NTM: variants seen among roughly 807,000 people sequenced by gnomAD.
NTM encodes neurotrimin.
NTM carries 13 observed loss-of-function variants against 42.1 expected under a neutral mutation model. That is an observed-to-expected ratio of 0.31 (90% CI 0.20 to 0.49). The LOEUF (loss-of-function observed/expected upper bound fraction) is 0.49, where lower values mean the gene tolerates loss of function less well. Ranked by LOEUF, NTM falls within the 20% of genes least tolerant of loss-of-function variation. NTM has a pLI of 0.99. For synonymous variants in NTM, 187 were observed against 179.2 expected, an observed-to-expected ratio of 1.04 and a Z score of -0.35; for missense variants, 373 against 452.8, an observed-to-expected ratio of 0.82 and a Z score of 1.60.
intron 2 of NTM, among the ~76,000 whole-genome samples, chr11:131,953,925 G>A (rs1017145891): frequency 1.3e-5 from 2 of 152,202 alleles, no homozygotes; most frequent in Admixed American, 6.5e-5. Flanking sequence ...ACTCCGTGGA[G>A]ATGGAGAAAG....
chr11:131,495,093 T>C (rs1955194326), intron 1 of NTM, among the ~76,000 whole-genome samples: 1 of 152,202 alleles, frequency 6.6e-6, no homozygotes, highest in Non-Finnish European at 1.5e-5. Context: ...AAATTAGTAG[T>C]AGAAGAGACT....
At chr11:132,180,488 T>C (rs2077404932) in intron 3 of NTM, among the ~76,000 whole-genome samples, 1 of 152,216 alleles carries the variant, frequency 6.6e-6, no homozygotes, top group Admixed American at 6.5e-5. Context: ...TTTATACAAC[T>C]GAATGGCTTC....
chr11:131,766,762 T>C (rs1400603181), intron 1 of NTM, among the ~76,000 whole-genome samples: 2 of 152,194 alleles, frequency 1.3e-5, no homozygotes, highest in African/African-American at 4.8e-5. Flanking sequence ...AGGCGTTCTC[T>C]CTCCTTTCCA....
intron 4 of NTM, among the ~76,000 whole-genome samples, chr11:132,253,954 A>G (rs1233905112): frequency 6.6e-6 from 1 of 152,140 alleles, no homozygotes; most frequent in Admixed American, 6.5e-5. Flanking sequence ...CACTCTCCTG[A>G]GTTCTCCCTG....
intron 1 of NTM, among the ~76,000 whole-genome samples, chr11:131,726,897 G>A (rs704630): frequency 0.14 from 20,922 of 151,166 alleles, 1,885 homozygotes; most frequent in Middle Eastern, 0.22. Flanking sequence ...CCACAGAGAC[G>A]GGGCTGGTCG....
chr11:131,864,380 A>G lies in NTM; in HGVS notation c.83-47184A>G, dbSNP rs141485148. The stretch of plus-strand genomic sequence containing the variant: ...GCTGCTGGAGAGCCTAATAGGCAGG[A>G]TTGGTCCAGGAACTCCTCCCGCTGG... On this transcript the variant is annotated intron_variant, in intron 1 of 8. Coordinates refer to ENST00000683400, the MANE Select transcript of NTM (RefSeq NM_001352005.2). Among the ~76,000 whole-genome samples, 1,170 of 152,254 alleles carry G rather than the reference A, an allele frequency of 7.7e-3. 24 individuals are homozygous for G. The highest frequency in any genetic ancestry group is 6.3e-3 in the Non-Finnish European group (429 of 68,020).
At chr11:132,263,010 A>G (rs375865816) in intron 4 of NTM, among the ~76,000 whole-genome samples, 4 of 152,242 alleles carry the variant, frequency 2.6e-5, no homozygotes, top group African/African-American at 9.6e-5. Flanking sequence ...AAGAAGGGGC[A>G]ACGGTTCCCA....
chr11:132,123,281 G>A (rs1308534694), intron 2 of NTM, among the ~76,000 whole-genome samples: 2 of 152,186 alleles, frequency 1.3e-5, no homozygotes, highest in African/African-American at 4.8e-5. Flanking sequence ...AAAGGCACAG[G>A]GGGCAGTGTG....
intron 1 of NTM, among the ~76,000 whole-genome samples, chr11:131,825,718 A>G (rs1250781808): frequency 1.3e-5 from 2 of 152,180 alleles, no homozygotes; most frequent in African/African-American, 4.8e-5. Context: ...TTTAAAAGGC[A>G]AACAATTAAT....
chr11:131,895,075 G>T (rs1261117116), intron 1 of NTM, among the ~76,000 whole-genome samples: 1 of 152,198 alleles, frequency 6.6e-6, no homozygotes. Context: ...GGATTCTGCT[G>T]AGAACATATC....
intron 1 of NTM, among the ~76,000 whole-genome samples, chr11:131,744,058 C>T (rs914108005): frequency 4.6e-5 from 7 of 152,144 alleles, no homozygotes; most frequent in Non-Finnish European, 8.8e-5. Flanking sequence ...AGAAGCAGGT[C>T]CTATTTTGCT....
intron 1 of NTM, among the ~76,000 whole-genome samples, chr11:131,738,972 C>A (rs1477851635): frequency 1.3e-5 from 2 of 152,146 alleles, no homozygotes; most frequent in African/African-American, 4.8e-5. Flanking sequence ...AACTTGGGGC[C>A]AAGGGATGTG....
chr11:131,807,392 C>T (rs1289150387), intron 1 of NTM, among the ~76,000 whole-genome samples: 1 of 152,176 alleles, frequency 6.6e-6, no homozygotes, highest in Non-Finnish European at 1.5e-5. Context: ...ATCTAGAAAG[C>T]TTTCTCCAAA....
At chr11:131,802,871 G>A (rs1360559029) in intron 1 of NTM, among the ~76,000 whole-genome samples, 1 of 152,232 alleles carries the variant, frequency 6.6e-6, no homozygotes, top group Admixed American at 6.5e-5. Context: ...ATTATGCTGT[G>A]CAACAGCCTT....
chr11:132,184,230 G>A lies in NTM; in HGVS notation c.401-27792G>A, dbSNP rs186255584. Reference sequence around the variant, plus strand: ...CTGACACTTCTGCCTCCTCACCAAGGCAGAGAAAAGAGGTCCTCTCTTTGC... The same window carrying A: ...CTGACACTTCTGCCTCCTCACCAAGACAGAGAAAAGAGGTCCTCTCTTTGC... On this transcript the variant is annotated intron_variant, in intron 3 of 8. Transcript: ENST00000683400. Among the ~76,000 whole-genome samples, 12 of 152,254 alleles carry A rather than the reference G, an allele frequency of 7.9e-5. No individual in the cohort carries two copies. The East Asian group carries it at 2.3e-3, about 29-fold the overall frequency.
At chr11:131,773,188 G>A (rs1282459061) in intron 1 of NTM, among the ~76,000 whole-genome samples, 1 of 152,192 alleles carries the variant, frequency 6.6e-6, no homozygotes, top group Non-Finnish European at 1.5e-5. Context: ...CCAAGGTGGT[G>A]CCTTGTTGCT....
At chr11:131,573,620 A>G (rs768989625) in intron 1 of NTM, 1 of 152,080 alleles carries the variant, frequency 6.6e-6, no homozygotes, top group Non-Finnish European at 1.5e-5. Flanking sequence ...TCCCCCTCCT[A>G]TGATTGCCGG....
At chr11:131,799,679 C>A (rs960481865) in intron 1 of NTM, among the ~76,000 whole-genome samples, 2 of 152,096 alleles carry the variant, frequency 1.3e-5, no homozygotes, top group African/African-American at 4.8e-5. Context: ...ATAGCTGATC[C>A]AAGCAGTAAT....
chr11:132,253,726 C>T (rs144026607), intron 4 of NTM, among the ~76,000 whole-genome samples: 1,526 of 152,296 alleles, frequency 0.01, 14 homozygotes, highest in Non-Finnish European at 0.015. Flanking sequence ...TACTTATACC[C>T]ATAGTGACTT....
Sources: gnomAD v4.1 joint callset for allele counts (sites outside exome capture counted in the v4.1 genomes callset) on GRCh38, gnomAD v4.1.1 for gene constraint, MANE v1.5 for transcripts, NCBI Gene and HGNC (gene_info 2026-07-23, HGNC 2026-07-21) for gene names.